Variants in HMG20A observed in about 807,000 individuals in gnomAD.
The protein encoded by HMG20A is high mobility group 20A.
HMG20A carries 17 observed loss-of-function variants against 43.9 expected under a neutral mutation model. The observed-to-expected ratio is 0.39, with a 90% CI of 0.27 to 0.58. The LOEUF is 0.58. Ranked by LOEUF, HMG20A falls within the 20% of genes least tolerant of loss-of-function variation. The probability of loss-of-function intolerance (pLI) is 0.59; values close to 1 mark genes in which losing one functional copy is unlikely to be tolerated. For missense variants in HMG20A, 341 were observed against 438.2 expected, an observed-to-expected ratio of 0.78 and a Z score of 1.98; for synonymous variants, 132 against 147.5, an observed-to-expected ratio of 0.89 and a Z score of 0.76.
chr15:77,510,091 A>G, the HMG20A span, among the ~76,000 whole-genome samples: 1 of 151,978 alleles, frequency 6.6e-6, no homozygotes, highest in Non-Finnish European at 1.5e-5. Flanking sequence ...AGCCCCCCAC[A>G]GGGGCATCTG....
At chr15:77,454,901 T>C (rs1266897060) in intron 1 of HMG20A, among the ~76,000 whole-genome samples, 1 of 152,038 alleles carries the variant, frequency 6.6e-6, no homozygotes, top group Non-Finnish European at 1.5e-5. Flanking sequence ...CCTGATGTTT[T>C]AAAGGAACCA....
At chr15:77,458,181 C>T (rs1567400310) in intron 1 of HMG20A, 1 of 364,430 alleles carries the variant, frequency 2.7e-6, no homozygotes, top group East Asian at 5.4e-5. Flanking sequence ...TTTGTTAAAA[C>T]CTAACTTGTT....
intron 1 of HMG20A, among the ~76,000 whole-genome samples, chr15:77,443,727 A>G (rs2073641946): frequency 6.9e-6 from 1 of 144,012 alleles, no homozygotes; most frequent in Non-Finnish European, 1.5e-5. Context: ...TATTATTACG[A>G]CAGGGTCTCA....
At chr15:77,458,565 G>C in intron 2 of HMG20A, 69 bp downstream of exon 2, 1 of 1,053,044 alleles carries the variant, frequency 9.5e-7, no homozygotes, top group Non-Finnish European at 1.4e-6. Context: ...CAAAGTAAGA[G>C]GTCCTAAAGA....
At position 77,484,241 on chromosome 15, in the gene HMG20A, C is replaced by T. The variant is rs2072929092; in HGVS notation, c.*1278C>T. On this transcript the variant is annotated 3_prime_UTR_variant, in exon 10 of 10. Coordinates refer to ENST00000336216, the MANE Select transcript of HMG20A (RefSeq NM_001304504.2). ...GCCTACAACTCTTGGGCTCAAGCAT[C>T]ACGCCTAGCAGTTTCTGGTTCCTTT... 6.6e-6 allele frequency: 1 copy of T among 152,228 alleles called. No homozygotes were observed. The allele number at this position is 152,228 out of a possible 1,614,324, so 9.4% of individuals were successfully genotyped here.
chr15:77,489,944 T>C (rs780482775), downstream of HMG20A, among the ~76,000 whole-genome samples: 24 of 152,202 alleles, frequency 1.6e-4, no homozygotes, highest in Non-Finnish European at 2.8e-4. Flanking sequence ...AAGAGAGTTC[T>C]ACACAACTGA....
chr15:77,427,355 T>C (rs951039567), intron 1 of HMG20A, among the ~76,000 whole-genome samples: 8 of 152,146 alleles, frequency 5.3e-5, no homozygotes, highest in Admixed American at 5.2e-4. Flanking sequence ...TATTTGACTT[T>C]TTTTCTGAAG....
At chr15:77,450,922 A>G (rs980809094) in intron 1 of HMG20A, among the ~76,000 whole-genome samples, 1 of 152,062 alleles carries the variant, frequency 6.6e-6, no homozygotes, top group Non-Finnish European at 1.5e-5. Context: ...TCACTATTGT[A>G]TGAATTTCCT....
At chr15:77,433,014 T>C (rs2142278932) in intron 1 of HMG20A, among the ~76,000 whole-genome samples, 1 of 152,172 alleles carries the variant, frequency 6.6e-6, no homozygotes, top group South Asian at 2.1e-4. Flanking sequence ...TATAAAAAAT[T>C]GACATGAAGA....
At chr15:77,497,562 C>G in the HMG20A span, among the ~76,000 whole-genome samples, 1 of 152,256 alleles carries the variant, frequency 6.6e-6, no homozygotes. Flanking sequence ...CTGCCACCCC[C>G]CTCTGCCCTG....
In HMG20A at chr15:77,484,760, A is replaced by T. The variant is rs2072933754; in HGVS notation, c.*1797A>T. The T allele has an allele frequency of 6.6e-6, 1 of 152,326 alleles. No individual in the cohort carries two copies. The highest frequency in any genetic ancestry group is 1.9e-4 in the East Asian group (1 of 5,186). 9.4% of individuals were successfully genotyped at this position (152,326 alleles called of 1,614,324 possible). On this transcript the variant is annotated 3_prime_UTR_variant, in exon 10 of 10. Transcript: ENST00000336216. ...TGTATTTTCCTATTTCCCTGCCATC[A>T]TCTGCTATTTCTGCCACTTCTCTTA...
intron 1 of HMG20A, among the ~76,000 whole-genome samples, chr15:77,456,366 T>G (rs1176408464): frequency 6.6e-6 from 1 of 152,248 alleles, no homozygotes; most frequent in South Asian, 2.1e-4. Context: ...GGCCATTGAC[T>G]TCTAGGGATA....
chr15:77,472,130 C>G (rs1358132133), intron 6 of HMG20A, among the ~76,000 whole-genome samples: 1 of 152,014 alleles, frequency 6.6e-6, no homozygotes, highest in Non-Finnish European at 1.5e-5. Flanking sequence ...ATAACATGAC[C>G]ATAGTTTATC....
rs568138426 is a variant in HMG20A, at chr15:77,452,774, GT to G, written c.-4-5627del. Among the ~76,000 whole-genome samples the G allele has an allele frequency of 3.7e-3, 560 of 152,176 alleles. 2 individuals are homozygous for G. The highest frequency in any genetic ancestry group is 5.5e-3 in the Admixed American group (84 of 15,278). On this transcript the variant is annotated intron_variant, in intron 1 of 9. Coordinates refer to ENST00000336216, the MANE Select transcript of HMG20A (RefSeq NM_001304504.2). The stretch of plus-strand genomic sequence containing the variant: ...TAATTTGTACTTTAAAGTTAAAAAC[GT>G]TTGTATTTCAAAGACCACTATCAAA...
intron 1 of HMG20A, among the ~76,000 whole-genome samples, chr15:77,422,456 A>G (rs1204213125): frequency 6.6e-6 from 1 of 152,134 alleles, no homozygotes; most frequent in Non-Finnish European, 1.5e-5. Flanking sequence ...TCTCTACTAA[A>G]AATACAAAAA....
At chr15:77,450,634 A>G (rs2073726435) in intron 1 of HMG20A, among the ~76,000 whole-genome samples, 1 of 152,224 alleles carries the variant, frequency 6.6e-6, no homozygotes, top group African/African-American at 2.4e-5. Flanking sequence ...GTGACATACC[A>G]TTAATACAAT....
intron 3 of HMG20A, 34 bp downstream of exon 3, chr15:77,464,421 C>G: frequency 6.2e-7 from 1 of 1,603,930 alleles, no homozygotes; most frequent in Non-Finnish European, 8.5e-7. Context: ...TTCCTATCCT[C>G]TGAAACTTCT....
At chr15:77,451,948 C>T (rs558024437) in intron 1 of HMG20A, among the ~76,000 whole-genome samples, 36 of 152,250 alleles carry the variant, frequency 2.4e-4, no homozygotes, top group African/African-American at 8.4e-4. Context: ...TAGACATGAA[C>T]ACTGACTCTA....
chr15:77,515,863 G>A, the HMG20A span, among the ~76,000 whole-genome samples: 7 of 152,182 alleles, frequency 4.6e-5, no homozygotes, highest in Non-Finnish European at 1.0e-4. Context: ...GATAGTGAGG[G>A]GGAAAGAGTG....
Sources: allele counts gnomAD v4.1 joint callset (sites outside exome capture counted in the v4.1 genomes callset), GRCh38; gene constraint gnomAD v4.1.1; transcripts MANE v1.5; gene names NCBI Gene and HGNC (gene_info 2026-07-23, HGNC 2026-07-21).